Variants in RB1CC1 observed in about 807,000 individuals in gnomAD.
The protein encoded by RB1CC1 is RB1 inducible coiled-coil 1.
RB1CC1 carries 46 observed loss-of-function variants against 177.5 expected under a neutral mutation model. The ratio of observed to expected loss-of-function variants is 0.26; its 90% CI spans 0.20 to 0.33. The LOEUF (loss-of-function observed/expected upper bound fraction) is 0.33, where lower values mean the gene tolerates loss of function less well. Among genes scored for constraint, RB1CC1 ranks in the 10% least tolerant of loss-of-function variants. RB1CC1 has a pLI of 1.00. For synonymous variants in RB1CC1, 666 were observed against 613.6 expected (o/e 1.09, Z -1.26); for missense variants, 1,703 against 1,816.3 (o/e 0.94, Z 1.13).
intron 18 of RB1CC1, among the ~76,000 whole-genome samples, chr8:52,641,591 T>C (rs1849588334): frequency 1.3e-5 from 2 of 151,954 alleles, no homozygotes; most frequent in Non-Finnish European, 1.5e-5. Context: ...ACCACGCTGA[T>C]TCTATGATAT....
chr8:52,649,339 A>C (rs2150437574), intron 15 of RB1CC1, among the ~76,000 whole-genome samples: 3 of 152,346 alleles, frequency 2.0e-5, no homozygotes, highest in Middle Eastern at 3.4e-3. Flanking sequence ...AACTTGAAAA[A>C]AGGCATCTCT....
rs181523564 is a variant in RB1CC1 at position 52,688,784 on chromosome 8, G to A, written c.-166-1817C>T. Reference sequence around the variant, plus strand: ...AACTTGCTGGTTTTGAGGCTTATGCGGGCATCACTGTCCTACCGATATGTG... The same window carrying A: ...AACTTGCTGGTTTTGAGGCTTATGCAGGCATCACTGTCCTACCGATATGTG... On this transcript the variant is annotated intron_variant, in intron 1 of 23. Coordinates refer to ENST00000025008, the MANE Select transcript of RB1CC1 (RefSeq NM_014781.5). 8.5e-5 allele frequency among the ~76,000 whole-genome samples: 13 copies of A among 152,166 alleles called. No homozygotes were observed. The East Asian group carries it at 1.4e-3, about 16-fold the overall frequency.
chr8:52,691,957 C>G (rs568905015), intron 1 of RB1CC1, among the ~76,000 whole-genome samples: 2 of 152,288 alleles, frequency 1.3e-5, no homozygotes, highest in South Asian at 4.1e-4. Flanking sequence ...TCATTGTATA[C>G]CACTCATAAT....
In RB1CC1 at chr8:52,657,096, A is replaced by G. The variant is rs1363087761; in HGVS notation, c.2733T>C (p.Asn911=). Residue 911 remains asparagine (N), a synonymous_variant, in exon 15 of 24, where the codon AAT becomes AAC. Coordinates refer to ENST00000025008, the MANE Select transcript of RB1CC1 (RefSeq NM_014781.5). The part of the protein sequence containing the change: ...CLEEVLQNKD[N]EFALVKHEKE... ...TTTCATGTTTAACCAAAGCAAATTC[A>G]TTATCTTTATTTTGTAAAACCTCCT... 2 of 1,610,144 alleles carry G rather than the reference A, an allele frequency of 1.2e-6. No individual in the cohort carries two copies. Among genetic ancestry groups the G allele is most frequent in the Non-Finnish European group, 1.7e-6 (2 of 1,178,934 alleles).
chr8:52,685,246 C>T (rs1336615407), intron 3 of RB1CC1, among the ~76,000 whole-genome samples, 153 bp downstream of exon 3: 19 of 152,000 alleles, frequency 1.3e-4, no homozygotes, highest in African/African-American at 3.6e-4. Context: ...CCTCGTGATC[C>T]GCCCGCCTCA....
At chr8:52,632,248 A>G (rs990383500) in intron 20 of RB1CC1, among the ~76,000 whole-genome samples, 14 of 152,214 alleles carry the variant, frequency 9.2e-5, no homozygotes, top group Admixed American at 2.6e-4. Context: ...TTTCCCAAGC[A>G]AAGTGAGCCC....
intron 20 of RB1CC1, among the ~76,000 whole-genome samples, chr8:52,631,453 G>A (rs1282623530): frequency 6.6e-6 from 1 of 152,052 alleles, no homozygotes; most frequent in African/African-American, 2.4e-5. Context: ...CCATCAAACA[G>A]GCCATCTGGA....
chr8:52,713,566 C>G (rs1012756274), intron 1 of RB1CC1, among the ~76,000 whole-genome samples: 5 of 152,202 alleles, frequency 3.3e-5, no homozygotes, highest in Non-Finnish European at 7.3e-5. Context: ...CTCTCCGTTC[C>G]TCCCATTCGG....
At chr8:52,623,993 A>G (rs937435004) in intron 23 of RB1CC1, 134 bp from the exon 24 acceptor site, 1 of 638,274 alleles carries the variant, frequency 1.6e-6, no homozygotes, top group Non-Finnish European at 2.8e-6. Context: ...GTACCCTCCT[A>G]TCATATTACT....
rs1851635936 is a variant in RB1CC1, at chr8:52,661,613, T to C, written c.1280A>G (p.His427Arg). The C allele has an allele frequency of 6.2e-7, 1 of 1,613,060 alleles. No individual in the cohort carries two copies. Among genetic ancestry groups the C allele is most frequent in the Non-Finnish European group, 8.5e-7 (1 of 1,179,526 alleles). ...ANQLMIMLQN[H>R]RKLLDIKQKC... ...CTGCTTAATATCTAACAGTTTTCTA[T>C]GATTTTGCAACATAATCATCAACTG... Residue 427 changes from histidine to arginine, a missense_variant, in exon 9 of 24, where the codon CAT becomes CGT. Coordinates refer to ENST00000025008, the MANE Select transcript of RB1CC1 (RefSeq NM_014781.5).
chr8:52,627,995 T>C, intron 22 of RB1CC1, 37 bp downstream of exon 22: 24 of 1,508,534 alleles, frequency 1.6e-5, no homozygotes, highest in Non-Finnish European at 2.1e-5. Flanking sequence ...ATTTCCTCCA[T>C]TCCAGGTTTA....
chr8:52,704,528 A>G (rs1053298549), intron 1 of RB1CC1, among the ~76,000 whole-genome samples: 4 of 151,774 alleles, frequency 2.6e-5, no homozygotes, highest in African/African-American at 9.7e-5. Context: ...GTTTACCCTC[A>G]CTGATCACAT....
intron 12 of RB1CC1, among the ~76,000 whole-genome samples, chr8:52,660,372 A>G (rs997808957): frequency 6.6e-6 from 1 of 152,244 alleles, no homozygotes; most frequent in African/African-American, 2.4e-5. Flanking sequence ...ACAGTGCAGT[A>G]TAAGGTATCT....
At chr8:52,653,614 T>C (rs16918063) in intron 15 of RB1CC1, among the ~76,000 whole-genome samples, 3,600 of 152,192 alleles carry the variant, frequency 0.024, 162 homozygotes, top group African/African-American at 0.082. Flanking sequence ...GAGGAGATTA[T>C]TGGTGCTCAT....
intron 21 of RB1CC1, among the ~76,000 whole-genome samples, chr8:52,629,265 T>C (rs1350685742): frequency 6.6e-6 from 1 of 152,214 alleles, no homozygotes; most frequent in Non-Finnish European, 1.5e-5. Context: ...TAAAGGGTCT[T>C]AACTTTCACA....
intron 5 of RB1CC1, among the ~76,000 whole-genome samples, chr8:52,680,566 T>C (rs1853600314): frequency 6.6e-6 from 1 of 152,204 alleles, no homozygotes. Context: ...CTGATTTCTC[T>C]ACACTACAGT....
intron 18 of RB1CC1, 92 bp from the exon 19 acceptor site, chr8:52,636,161 T>C: frequency 7.4e-7 from 1 of 1,358,222 alleles, no homozygotes; most frequent in East Asian, 2.5e-5. Flanking sequence ...CAGATCACTT[T>C]AACAATTTAA....
At chr8:52,634,272 C>G (rs190202157) in intron 20 of RB1CC1, among the ~76,000 whole-genome samples, 31 of 152,280 alleles carry the variant, frequency 2.0e-4, no homozygotes, top group Non-Finnish European at 3.7e-4. Context: ...CTGTAACTCC[C>G]AGCACTTTGG....
chr8:52,696,999 TC>T (rs1855476325), intron 1 of RB1CC1, among the ~76,000 whole-genome samples: 1 of 151,752 alleles, frequency 6.6e-6, no homozygotes, highest in Non-Finnish European at 1.5e-5. Context: ...AGAGACCGTC[TC>T]AAAACAAAAA....
Sources: allele counts gnomAD v4.1 joint callset (sites outside exome capture counted in the v4.1 genomes callset), GRCh38; gene constraint gnomAD v4.1.1; transcripts MANE v1.5; gene names NCBI Gene and HGNC (gene_info 2026-07-23, HGNC 2026-07-21).